Variants in SPTBN1 observed in about 807,000 individuals in gnomAD.
SPTBN1 encodes spectrin beta chain, non-erythrocytic 1.
A neutral mutation model predicts 266.4 loss-of-function variants in SPTBN1; 32 were observed. The ratio of observed to expected loss-of-function variants is 0.12; its 90% CI spans 0.09 to 0.16. The LOEUF (loss-of-function observed/expected upper bound fraction) is 0.16, where lower values mean the gene tolerates loss of function less well. SPTBN1 is among the 10% of genes least tolerant of loss of function. SPTBN1 has a pLI of 1.00. For missense variants in SPTBN1, 2,296 were observed against 3,067.1 expected (o/e 0.75, Z 5.94); for synonymous variants, 1,336 against 1,162.2 (o/e 1.15, Z -3.04).
At chr2:54,593,571 G>A (rs1200448221) in intron 2 of SPTBN1, among the ~76,000 whole-genome samples, 1 of 152,062 alleles carries the variant, frequency 6.6e-6, no homozygotes, top group South Asian at 2.1e-4. Context: ...GTACAGCATT[G>A]CAAAGAGGGG....
intron 7 of SPTBN1, among the ~76,000 whole-genome samples, chr2:54,618,458 A>C (rs1447373490): frequency 6.6e-6 from 1 of 152,238 alleles, no homozygotes; most frequent in Non-Finnish European, 1.5e-5. Context: ...CCAGGAAAGA[A>C]GAAGGTATGC....
At chr2:54,473,836 A>T (rs963761301) in intron 1 of SPTBN1, among the ~76,000 whole-genome samples, 4 of 152,228 alleles carry the variant, frequency 2.6e-5, no homozygotes, top group Non-Finnish European at 4.4e-5. Flanking sequence ...TGTATATGGG[A>T]TGTTCTGTCT....
At chr2:54,481,195 GA>G (rs904732197) in intron 1 of SPTBN1, among the ~76,000 whole-genome samples, 142 of 143,280 alleles carry the variant, frequency 9.9e-4, no homozygotes, top group African/African-American at 1.8e-3. Flanking sequence ...AACAGGTTTG[GA>G]AAAAAAAAAA....
chr2:54,623,552 G>T lies in SPTBN1; in HGVS notation c.1138G>T (p.Val380Phe). 6.2e-7 allele frequency: 1 copy of T among 1,614,166 alleles called. No individual in the cohort carries two copies. The highest frequency in any genetic ancestry group is 8.5e-7 in the Non-Finnish European group (1 of 1,180,016). Residue 380 changes from valine (V) to phenylalanine (F), a missense_variant, in exon 10 of 36, where the codon GTC becomes TTC. This residue lies in a region of SPTBN1 where 148 missense variants were observed against 203.8 expected (regional missense o/e 0.73). Coordinates refer to ENST00000356805, the MANE Select transcript of SPTBN1 (RefSeq NM_003128.3). ...QSKMRANNQK[V>F]YMPREGKLIS... Reference sequence around the variant, plus strand: ...CAAGATGAGGGCCAACAACCAGAAGGTCTACATGCCCCGGGAGGGGAAGCT... The same window carrying T: ...CAAGATGAGGGCCAACAACCAGAAGTTCTACATGCCCCGGGAGGGGAAGCT...
chr2:54,517,352 T>C (rs369466200), intron 1 of SPTBN1, among the ~76,000 whole-genome samples: 1 of 150,872 alleles, frequency 6.6e-6, no homozygotes, highest in African/African-American at 2.5e-5. Context: ...TTAATAGAGA[T>C]ACAACAATAT....
Position 54,616,230 on chromosome 2 carries a change from T to C in SPTBN1, c.498T>C (p.Thr166=). Residue 166 remains threonine (T), a synonymous_variant, in exon 5 of 36, where the codon ACT becomes ACC. Transcript: ENST00000356805. ...AGATCCAGGATATCAGTGTGGAAACTGAAGACAACAAAGAGAAGAAATCTG... is the reference window on the plus strand; with the variant it reads ...AGATCCAGGATATCAGTGTGGAAACCGAAGACAACAAAGAGAAGAAATCTG... ...RFQIQDISVE[T]EDNKEKKSAK... The C allele has an allele frequency of 6.2e-7, 1 of 1,614,030 alleles. No individual in the cohort carries two copies. Among genetic ancestry groups the C allele is most frequent in the Non-Finnish European group, 8.5e-7 (1 of 1,179,908 alleles).
Position 54,669,163 on chromosome 2 carries a change from C to T in SPTBN1, c.*594C>T, listed in dbSNP as rs72806656. The T allele has an allele frequency of 9.9e-3, 1,508 of 152,662 alleles. 12 individuals are homozygous for T. Among genetic ancestry groups the T allele is most frequent in the Middle Eastern group, 0.027 (8 of 294 alleles). 9.5% of individuals were successfully genotyped at this position (152,662 alleles called of 1,614,324 possible). A position where few individuals can be genotyped will look rare whatever the true frequency, so the allele number is the denominator to read the frequency against. On this transcript the variant is annotated 3_prime_UTR_variant, in exon 36 of 36. Transcript: ENST00000356805. Reference sequence around the variant, plus strand: ...ACGACATGCGGCTTTTCTGCATCAACTGCTATGACGGTTAAGAATGTCAGT... The same window carrying T: ...ACGACATGCGGCTTTTCTGCATCAATTGCTATGACGGTTAAGAATGTCAGT...
rs185819835 is a variant in SPTBN1 at position 54,499,061 on chromosome 2, G to T, written c.-47-27311G>T. On this transcript the variant is annotated intron_variant, in intron 1 of 35. Transcript: ENST00000356805. ...CTCATGCTTTTCCCTTTGCACCTGT[G>T]GAGCACAGGTGTGTCCTGAGGCCCT... is the stretch of plus-strand genomic sequence containing the variant. Among the ~76,000 whole-genome samples, 17 of 152,186 alleles carry T rather than the reference G, an allele frequency of 1.1e-4. 1 individual carries two copies. The highest frequency in any genetic ancestry group is 7.2e-4 in the Admixed American group (11 of 15,284).
At chr2:54,514,928 A>G (rs559326748) in intron 1 of SPTBN1, among the ~76,000 whole-genome samples, 1 of 152,208 alleles carries the variant, frequency 6.6e-6, no homozygotes, top group Non-Finnish European at 1.5e-5. Flanking sequence ...TGGGGACTAG[A>G]TTGCTTTTGT....
At chr2:54,660,068 G>A (rs756795548) in intron 32 of SPTBN1, 69 bp downstream of exon 32, 38 of 1,614,228 alleles carry the variant, frequency 2.4e-5, no homozygotes, top group Non-Finnish European at 3.1e-5. Context: ...CCAGTGACCA[G>A]CCATGGTCTG....
In SPTBN1 at chr2:54,626,578, C is replaced by T. The variant is rs1344215155; in HGVS notation, c.1644+344C>T. Among the ~76,000 whole-genome samples, 2 of 152,160 alleles carry T rather than the reference C, an allele frequency of 1.3e-5. No homozygotes were observed. The highest frequency in any genetic ancestry group is 3.4e-3 in the Middle Eastern group (1 of 294). On this transcript the variant is annotated intron_variant, in intron 12 of 35. Coordinates refer to ENST00000356805, the MANE Select transcript of SPTBN1 (RefSeq NM_003128.3). The surrounding 1 kb of genome is among the most constrained non-coding windows in gnomAD (Gnocchi z 4.7). ...TTCATTGATCTGTGAGTGAGTGGTACTACTTTGGGCAGGGGTCCCGGAGAG... is the reference window on the plus strand; with the variant it reads ...TTCATTGATCTGTGAGTGAGTGGTATTACTTTGGGCAGGGGTCCCGGAGAG...
At chr2:54,576,412 G>T (rs140217482) in intron 2 of SPTBN1, among the ~76,000 whole-genome samples, 12 of 152,220 alleles carry the variant, frequency 7.9e-5, no homozygotes, top group African/African-American at 2.9e-4. Flanking sequence ...CTGGAACGTT[G>T]ATGTCAGGTA....
intron 2 of SPTBN1, among the ~76,000 whole-genome samples, chr2:54,550,998 CCTTTTCACATTTT>C (rs1462073719): frequency 6.6e-6 from 1 of 152,164 alleles, no homozygotes; most frequent in Non-Finnish European, 1.5e-5. Context: ...CCCTACCTGC[CCTTTTCACATTTT>C]CTTTTCACAG....
rs867230349 is a variant in SPTBN1, at chr2:54,496,122, A to T, written c.-47-30250A>T. ...GTTCCCAAAGGAAGATTTACTCCCCATATCAGAAATATGTTAAAAAAAAGT... is the reference window on the plus strand; with the variant it reads ...GTTCCCAAAGGAAGATTTACTCCCCTTATCAGAAATATGTTAAAAAAAAGT... On this transcript the variant is annotated intron_variant, in intron 1 of 35. Coordinates refer to ENST00000356805, the MANE Select transcript of SPTBN1 (RefSeq NM_003128.3). Among the ~76,000 whole-genome samples, 4 of 152,244 alleles carry T rather than the reference A, an allele frequency of 2.6e-5. No individual in the cohort carries two copies. The Middle Eastern group carries it at 0.014, about 518-fold the overall frequency.
intron 2 of SPTBN1, among the ~76,000 whole-genome samples, chr2:54,536,508 A>T (rs1671610253): frequency 6.6e-6 from 1 of 152,250 alleles, no homozygotes; most frequent in Non-Finnish European, 1.5e-5. Flanking sequence ...AGTTGTGATT[A>T]TTAAGCTATA....
At position 54,649,255 on chromosome 2, in the gene SPTBN1, A is replaced by C; in HGVS notation, c.5202+65A>C. 2.0e-6 allele frequency: 3 copies of C among 1,491,902 alleles called. No homozygotes were observed. Among genetic ancestry groups the C allele is most frequent in the Non-Finnish European group, 2.7e-6 (3 of 1,097,878 alleles). 92.4% of individuals were successfully genotyped at this position (1,491,902 alleles called of 1,614,324 possible). A position where few individuals can be genotyped will look rare whatever the true frequency, so the allele number is the denominator to read the frequency against. On this transcript the variant is annotated intron_variant, in intron 25 of 35. Transcript: ENST00000356805. This position sits in a 1 kb window ranked among gnomAD's most constrained non-coding sequence, Gnocchi z 6.7. ...AGCGATGGTGTGGAAGGCCATTTGC[A>C]TTCCTTGTCTGTGAGCAGATAAAAT...
chr2:54,470,238 T>A (rs1305893509), intron 1 of SPTBN1, among the ~76,000 whole-genome samples: 1 of 132,266 alleles, frequency 7.6e-6, no homozygotes, highest in African/African-American at 3.7e-5. Flanking sequence ...GTCATTTGAA[T>A]TTTTTATATA....
chr2:54,459,470 A>G (rs1167512794), intron 1 of SPTBN1, among the ~76,000 whole-genome samples: 1 of 152,192 alleles, frequency 6.6e-6, no homozygotes, highest in African/African-American at 2.4e-5. Context: ...TGGAAGTACT[A>G]TTTTGACGTG....
intron 1 of SPTBN1, among the ~76,000 whole-genome samples, chr2:54,486,322 G>A (rs1046173413): frequency 3.9e-5 from 6 of 152,080 alleles, no homozygotes; most frequent in Non-Finnish European, 8.8e-5. Context: ...GATGGTTGCC[G>A]TGTCTGTGTA....
Sources: allele counts gnomAD v4.1 joint callset (sites outside exome capture counted in the v4.1 genomes callset), GRCh38; gene constraint gnomAD v4.1.1; regional missense constraint gnomAD v4.1.1; non-coding constraint Gnocchi (gnomAD v3.1); transcripts MANE v1.5; gene names NCBI Gene and HGNC (gene_info 2026-07-23, HGNC 2026-07-21).